Variants in CLVS1 observed in about 807,000 individuals in gnomAD.
CLVS1 encodes the protein clavesin 1.
In CLVS1, 10 loss-of-function variants were observed where a neutral mutation model predicts 33.1. That is an observed-to-expected ratio of 0.30 (90% confidence interval 0.19 to 0.51). CLVS1 has a LOEUF of 0.51. CLVS1 is among the 20% of genes least tolerant of loss of function. The probability of loss-of-function intolerance (pLI) is 0.97; values close to 1 mark genes in which losing one functional copy is unlikely to be tolerated. For missense variants in CLVS1, 343 were observed against 433.4 expected (o/e 0.79, Z 1.85); for synonymous variants, 163 against 166.1 (o/e 0.98, Z 0.14).
chr8:61,049,565 C>T, the CLVS1 span, among the ~76,000 whole-genome samples: 1 of 152,078 alleles, frequency 6.6e-6, no homozygotes, highest in Non-Finnish European at 1.5e-5. Context: ...CAGTTGGAAA[C>T]AAAATGGTAG....
At chr8:61,051,697 C>G in the CLVS1 span, among the ~76,000 whole-genome samples, 1 of 152,260 alleles carries the variant, frequency 6.6e-6, no homozygotes, top group East Asian at 1.9e-4. Context: ...GGGTGTCTTT[C>G]TTGGTTCCCA....
chr8:61,375,311 C>T (rs1585880866), intron 2 of CLVS1, among the ~76,000 whole-genome samples: 1 of 149,418 alleles, frequency 6.7e-6, no homozygotes. Flanking sequence ...AGTGCAATGG[C>T]GCGATCTCAG....
chr8:61,368,322 C>T (rs1198102391), intron 2 of CLVS1, among the ~76,000 whole-genome samples: 2 of 152,188 alleles, frequency 1.3e-5, no homozygotes, highest in Non-Finnish European at 2.9e-5. Flanking sequence ...ATGCTTTGCA[C>T]TCTAGTGTCT....
chr8:61,229,603 C>G (rs1808391681), intron 2 of CLVS1, among the ~76,000 whole-genome samples: 1 of 152,160 alleles, frequency 6.6e-6, no homozygotes, highest in Non-Finnish European at 1.5e-5. Flanking sequence ...CAAGAAACGC[C>G]TGAGTCATGG....
At chr8:61,490,656 CAA>C (rs11455386) in intron 5 of CLVS1, among the ~76,000 whole-genome samples, 5 of 113,066 alleles carry the variant, frequency 4.4e-5, no homozygotes, top group African/African-American at 7.6e-5. Context: ...AGATCCGTCT[CAA>C]AAAAAAAAAA....
At chr8:61,377,989 C>T (rs1054531657) in intron 3 of CLVS1, 1 of 152,196 alleles carries the variant, frequency 6.6e-6, no homozygotes, top group Non-Finnish European at 1.5e-5. Context: ...GTGTTCTTTT[C>T]CATCAGTCAC....
At chr8:61,292,627 A>G (rs1222606962) in intron 1 of CLVS1, among the ~76,000 whole-genome samples, 1 of 152,186 alleles carries the variant, frequency 6.6e-6, no homozygotes, top group African/African-American at 2.4e-5. Context: ...ATCTGTTTTA[A>G]AAATTGGGGT....
intron 1 of CLVS1, among the ~76,000 whole-genome samples, chr8:61,066,918 G>A (rs1034535965): frequency 2.6e-5 from 4 of 152,194 alleles, no homozygotes; most frequent in South Asian, 2.1e-4. Context: ...TGCCACACAC[G>A]GCTGTCATAA....
intron 2 of CLVS1, among the ~76,000 whole-genome samples, chr8:61,374,332 T>C (rs1813558480): frequency 6.6e-6 from 1 of 152,226 alleles, no homozygotes; most frequent in Admixed American, 6.5e-5. Context: ...GTGCTGTATG[T>C]AAGCTTTACC....
rs200373939 is a variant in CLVS1 at position 61,123,185 on chromosome 8, C to T, written c.-242-8585C>T. On this transcript the variant is annotated intron_variant, in intron 1 of 2. Transcript: ENST00000522621. Reference sequence around the variant, plus strand: ...TCAGGAGGCTGAGGCAGGAGAATCACTTGAACTCGGGAGGCGGAGGTTGCG... The same window carrying T: ...TCAGGAGGCTGAGGCAGGAGAATCATTTGAACTCGGGAGGCGGAGGTTGCG... 2.1e-5 allele frequency among the ~76,000 whole-genome samples: 3 copies of T among 143,250 alleles called. 1 individual carries two copies. In the Admixed American group the frequency reaches 2.3e-4, roughly 11 times the overall value. 94.0% of individuals were successfully genotyped at this position (143,250 alleles called of 152,430 possible).
At chr8:60,995,915 A>G in the CLVS1 span, among the ~76,000 whole-genome samples, 1 of 152,240 alleles carries the variant, frequency 6.6e-6, no homozygotes, top group Non-Finnish European at 1.5e-5. Flanking sequence ...CACAAGAACA[A>G]AAAACCAAAC....
chr8:60,967,205 C>T, the CLVS1 span, among the ~76,000 whole-genome samples: 3 of 152,168 alleles, frequency 2.0e-5, no homozygotes, highest in African/African-American at 7.2e-5. Flanking sequence ...ATGGAACATG[C>T]AAGAGCATAG....
intron 2 of CLVS1, among the ~76,000 whole-genome samples, chr8:61,369,879 G>A (rs896775379): frequency 6.6e-6 from 1 of 152,176 alleles, no homozygotes; most frequent in Non-Finnish European, 1.5e-5. Flanking sequence ...TACAGAAGGA[G>A]CACATTTGCC....
At chr8:61,395,402 AAC>A (rs1213586844) in intron 3 of CLVS1, among the ~76,000 whole-genome samples, 2 of 152,200 alleles carry the variant, frequency 1.3e-5, no homozygotes, top group African/African-American at 4.8e-5. Context: ...CTGCATGGTG[AAC>A]ACAGTTAATA....
chr8:61,113,727 G>A (rs1019049444), intron 1 of CLVS1, among the ~76,000 whole-genome samples: 4 of 152,204 alleles, frequency 2.6e-5, no homozygotes, highest in African/African-American at 9.6e-5. Context: ...CCGCCCATCA[G>A]TCCTATCCTA....
rs1167301143 is a variant in CLVS1, at chr8:61,266,325, A to G, written c.-151-33352A>G. Among the ~76,000 whole-genome samples the G allele has an allele frequency of 3.4e-5, 5 of 147,212 alleles. No individual in the cohort carries two copies. In the East Asian group the frequency reaches 9.9e-4, roughly 29 times the overall value. ...TTTTTTTTTTCTGCCTCATAAATGC[A>G]TAGCTGAACTGCTTTTCCCCACTGG... On this transcript the variant is annotated intron_variant, in intron 2 of 2. Coordinates refer to the CLVS1 transcript ENST00000522621.
At chr8:61,214,050 G>T (rs1268191763) in intron 2 of CLVS1, among the ~76,000 whole-genome samples, 1 of 152,088 alleles carries the variant, frequency 6.6e-6, no homozygotes, top group African/African-American at 2.4e-5. Flanking sequence ...CTCCCATAGC[G>T]CTCCCAGGCT....
chr8:61,101,753 A>G (rs1805454506), intron 1 of CLVS1, among the ~76,000 whole-genome samples: 2 of 150,768 alleles, frequency 1.3e-5, no homozygotes, highest in African/African-American at 4.9e-5. Context: ...CTACATTTAT[A>G]TTTTTATTAC....
At chr8:61,430,172 T>C (rs777530469) in intron 3 of CLVS1, among the ~76,000 whole-genome samples, 5 of 152,196 alleles carry the variant, frequency 3.3e-5, no homozygotes, top group Admixed American at 6.5e-5. Flanking sequence ...CACAAATAAG[T>C]GTGTCAAGAC....
Sources: gnomAD v4.1 joint callset for allele counts (sites outside exome capture counted in the v4.1 genomes callset) on GRCh38, gnomAD v4.1.1 for gene constraint, MANE v1.5 for transcripts, NCBI Gene and HGNC (gene_info 2026-07-23, HGNC 2026-07-21) for gene names.